The following EFNB1 variants were observed in gnomAD, a reference collection of about 807,000 sequenced individuals.
EFNB1 encodes the protein ephrin-B1.
A neutral mutation model predicts 18.1 loss-of-function variants in EFNB1; 1 was observed. The ratio of observed to expected loss-of-function variants is 0.06; its 90% CI spans 0.02 to 0.26. The LOEUF is 0.26. Among genes scored for constraint, EFNB1 ranks in the 10% least tolerant of loss-of-function variants. EFNB1 has a pLI of 1.00. For missense variants in EFNB1, 221 were observed against 301.8 expected, an observed-to-expected ratio of 0.73 and a Z score of 1.98; for synonymous variants, 131 against 127.5, an observed-to-expected ratio of 1.03 and a Z score of -0.19.
At chrX:68,837,952 CTG>C (rs1244859657) in intron 1 of EFNB1, among the ~76,000 whole-genome samples, 1 of 112,277 alleles carries the variant, frequency 8.9e-6, no homozygotes, top group Non-Finnish European at 1.9e-5. Context: ...TGGCCAGAGA[CTG>C]TGGCCATCAT....
At position 68,838,796 on chromosome X, in the gene EFNB1, G is replaced by T; in HGVS notation, c.308G>T (p.Arg103Met). The change falls in exon 2 of 5, where the codon AGG becomes ATG. Residue 103 changes from arginine to methionine, a missense_variant. Coordinates refer to ENST00000204961, the MANE Select transcript of EFNB1 (RefSeq NM_004429.5). ...CCCAACGTGTTGGTCACCTGCAATAGGCCAGAGCAGGAAATACGCTTTACC... is the reference window on the plus strand; with the variant it reads ...CCCAACGTGTTGGTCACCTGCAATATGCCAGAGCAGGAAATACGCTTTACC... ...LDPNVLVTCN[R>M]PEQEIRFTIK... 2.5e-6 allele frequency: 3 copies of T among 1,207,938 alleles called. No homozygotes were observed. Among genetic ancestry groups the T allele is most frequent in the Non-Finnish European group, 3.4e-6 (3 of 893,544 alleles).
Position 68,829,475 on chromosome X carries a change from C to T in EFNB1, c.-302C>T. On this transcript the variant is annotated 5_prime_UTR_variant, in exon 1 of 5. Transcript: ENST00000204961. ...TCTCGGGAAGTCGAGCGGAATCGGG[C>T]GGGATCACCCGGGGGCGCAGAGCCC... 1 of 338,409 alleles carries T rather than the reference C, an allele frequency of 3.0e-6. No individual in the cohort carries two copies. Among genetic ancestry groups the T allele is most frequent in the Non-Finnish European group, 5.2e-6 (1 of 192,588 alleles). The allele number at this position is 338,409 out of a possible 1,213,427, so 27.9% of individuals were successfully genotyped here. A position where few individuals can be genotyped will look rare whatever the true frequency, so the allele number is the denominator to read the frequency against.
At chrX:68,837,637 G>A (rs2080463996) in intron 1 of EFNB1, among the ~76,000 whole-genome samples, 2 of 112,268 alleles carry the variant, frequency 1.8e-5, no homozygotes, top group Non-Finnish European at 3.8e-5. Context: ...GTGGTCCTGG[G>A]CTGCTGACCC....
chrX:68,833,523 C>T (rs1203636428), intron 1 of EFNB1, among the ~76,000 whole-genome samples: 1 of 111,875 alleles, frequency 8.9e-6, no homozygotes, highest in African/African-American at 3.3e-5. Flanking sequence ...TCACTGTTTT[C>T]TGGGGTTAGG....
In EFNB1 at chrX:68,840,808, C is replaced by G; in HGVS notation, c.*154C>G. Reference sequence around the variant, plus strand: ...TATAATCCCCCTTTTTCCCTGCCCCCTGGGCTTCGGAGGGGGGTGCTTGTG... The same window carrying G: ...TATAATCCCCCTTTTTCCCTGCCCCGTGGGCTTCGGAGGGGGGTGCTTGTG... On this transcript the variant is annotated 3_prime_UTR_variant, in exon 5 of 5. Transcript: ENST00000204961. 1.5e-6 allele frequency: 1 copy of G among 653,286 alleles called. No individual in the cohort carries two copies. Among genetic ancestry groups the G allele is most frequent in the Non-Finnish European group, 2.3e-6 (1 of 429,328 alleles). 53.8% of individuals were successfully genotyped at this position (653,286 alleles called of 1,213,427 possible).
intron 1 of EFNB1, among the ~76,000 whole-genome samples, chrX:68,832,811 C>CGTGGGTGTGTGTGT (rs1556099688): frequency 1.0e-5 from 1 of 97,358 alleles, no homozygotes; most frequent in African/African-American, 3.9e-5. Flanking sequence ...TCTGTGTGTG[C>CGTGGGTGTGTGTGT]GTGTGTGTGT....
chrX:68,829,229 A>C lies in EFNB1; in HGVS notation c.-548A>C, dbSNP rs2080437053. 1.4e-5 allele frequency: 2 copies of C among 143,075 alleles called. No individual in the cohort carries two copies. The highest frequency in any genetic ancestry group is 2.7e-5 in the Non-Finnish European group (2 of 73,621). The allele number at this position is 143,075 out of a possible 1,213,427, so 11.8% of individuals were successfully genotyped here. A position where few individuals can be genotyped will look rare whatever the true frequency, so the allele number is the denominator to read the frequency against. ...TGAGCAGGGCCCGCGCTGAAGTAGAAGCTGTCCGGGGGCGCGTAGCCCGGA... is the reference window on the plus strand; with the variant it reads ...TGAGCAGGGCCCGCGCTGAAGTAGACGCTGTCCGGGGGCGCGTAGCCCGGA... On this transcript the variant is annotated 5_prime_UTR_variant, in exon 1 of 5. Coordinates refer to ENST00000204961, the MANE Select transcript of EFNB1 (RefSeq NM_004429.5).
At chrX:68,838,168 TGTGTGCGC>T (rs1282299315) in intron 1 of EFNB1, among the ~76,000 whole-genome samples, 46 of 58,201 alleles carry the variant, frequency 7.9e-4, no homozygotes, top group Middle Eastern at 8.2e-3. Flanking sequence ...TGTGTGTGTG[TGTGTGCGC>T]GCGCGCGCGC....
Position 68,840,440 on chromosome X carries a change from G to A in EFNB1, c.827G>A (p.Arg276Gln), listed in dbSNP as rs139877825. 21 of 1,210,594 alleles carry A rather than the reference G, an allele frequency of 1.7e-5. No individual in the cohort carries two copies. The highest frequency in any genetic ancestry group is 7.0e-5 in the African/African-American group (4 of 57,486). ...RKRHRKHTQQ[R>Q]AAALSLSTLA... ...CGGCACCGCAAGCACACACAGCAGC[G>A]GGCGGCTGCCCTCTCGCTCAGTACC... The change falls in exon 5 of 5, where the codon CGG (arginine) becomes CAG (glutamine). Residue 276 changes from arginine to glutamine, a missense_variant. Coordinates refer to ENST00000204961, the MANE Select transcript of EFNB1 (RefSeq NM_004429.5).
Position 68,840,890 on chromosome X carries a change from G to T in EFNB1, c.*236G>T. 2.3e-6 allele frequency: 1 copy of T among 430,129 alleles called. No individual in the cohort carries two copies. The highest frequency in any genetic ancestry group is 4.0e-6 in the Non-Finnish European group (1 of 247,112). The allele number at this position is 430,129 out of a possible 1,213,427, so 35.4% of individuals were successfully genotyped here. On this transcript the variant is annotated 3_prime_UTR_variant, in exon 5 of 5. Transcript: ENST00000204961. ...CTCTGGCCAGGCCTCTGGGCTCCGTGGGGGCGCCCCTTCTTGGAAGGCAGG... is the reference window on the plus strand; with the variant it reads ...CTCTGGCCAGGCCTCTGGGCTCCGTTGGGGCGCCCCTTCTTGGAAGGCAGG...
At chrX:68,838,590 G>A in intron 1 of EFNB1, 27 bp from the exon 2 acceptor site, 1 of 1,211,293 alleles carries the variant, frequency 8.3e-7, no homozygotes, top group Non-Finnish European at 1.1e-6. Flanking sequence ...CAACCCTGAG[G>A]CTGACCATCT....
intron 1 of EFNB1, among the ~76,000 whole-genome samples, chrX:68,835,159 G>A (rs758306168): frequency 8.1e-5 from 9 of 111,319 alleles, no homozygotes; most frequent in Admixed American, 3.8e-4. Context: ...AGCTTAGGCC[G>A]CCTCCCCCAA....
chrX:68,832,819 T>TGC (rs1450402327), intron 1 of EFNB1, among the ~76,000 whole-genome samples: 1 of 107,250 alleles, frequency 9.3e-6, no homozygotes, highest in Non-Finnish European at 1.9e-5. Context: ...TGCGTGTGTG[T>TGC]GTGTGTGTGT....
At chrX:68,833,420 C>A (rs1024719409) in intron 1 of EFNB1, among the ~76,000 whole-genome samples, 1 of 112,450 alleles carries the variant, frequency 8.9e-6, no homozygotes, top group Admixed American at 9.3e-5. Flanking sequence ...GGGGTGGGGA[C>A]TGAATCAAGG....
intron 2 of EFNB1, 68 bp downstream of exon 2, chrX:68,838,962 G>A (rs1602670894): frequency 8.7e-7 from 1 of 1,146,746 alleles, no homozygotes; most frequent in East Asian, 3.2e-5. Flanking sequence ...CTGTAGTAGT[G>A]GGAGCTTCTA....
chrX:68,834,298 T>C (rs1569397252), intron 1 of EFNB1, among the ~76,000 whole-genome samples: 1 of 112,309 alleles, frequency 8.9e-6, no homozygotes, highest in Admixed American at 9.3e-5. Flanking sequence ...GCTAAGAATC[T>C]CTCTTCTCAG....
In EFNB1 at chrX:68,829,112, C is replaced by T. The variant is rs1203700543; in HGVS notation, c.-665C>T. On this transcript the variant is annotated 5_prime_UTR_variant, in exon 1 of 5. Coordinates refer to ENST00000204961, the MANE Select transcript of EFNB1 (RefSeq NM_004429.5). ...GCCCGGGAGCCAGGACTCGGCGACG[C>T]GAGGCTGCCGGGCTACCCGGCCGAG... is the stretch of plus-strand genomic sequence containing the variant. 2.6e-5 allele frequency: 3 copies of T among 114,294 alleles called. No individual in the cohort carries two copies. Among genetic ancestry groups the T allele is most frequent in the Non-Finnish European group, 5.5e-5 (3 of 54,421 alleles). The allele number at this position is 114,294 out of a possible 1,213,427, so 9.4% of individuals were successfully genotyped here.
At chrX:68,833,878 G>A (rs2080453635) in intron 1 of EFNB1, among the ~76,000 whole-genome samples, 1 of 112,704 alleles carries the variant, frequency 8.9e-6, no homozygotes, top group Non-Finnish European at 1.9e-5. Flanking sequence ...ACAACCCTGG[G>A]AAGTAGGTAT....
At chrX:68,837,283 C>T (rs1338832325) in intron 1 of EFNB1, among the ~76,000 whole-genome samples, 1 of 111,742 alleles carries the variant, frequency 8.9e-6, no homozygotes, top group Admixed American at 9.5e-5. Context: ...TGACCTCCTG[C>T]CTCTTGGGAG....
Sources: allele counts gnomAD v4.1 joint callset (sites outside exome capture counted in the v4.1 genomes callset), GRCh38; gene constraint gnomAD v4.1.1; transcripts MANE v1.5; gene names NCBI Gene and HGNC (gene_info 2026-07-23, HGNC 2026-07-21).